Variants in C16orf87 observed in about 807,000 individuals in gnomAD.
C16orf87 encodes HDAC and MIER1 interacting protein 1.
In C16orf87, 13 loss-of-function variants were observed where a neutral mutation model predicts 21.0. The ratio of observed to expected loss-of-function variants is 0.62; its 90% CI spans 0.40 to 0.98. C16orf87 has a LOEUF of 0.98. Ranked by LOEUF, C16orf87 falls within the 50% of genes least tolerant of loss-of-function variation. The probability of loss-of-function intolerance (pLI) is 0.00; values close to 1 mark genes in which losing one functional copy is unlikely to be tolerated. For missense variants in C16orf87, 113 were observed against 180.4 expected (o/e 0.63, Z 2.14); for synonymous variants, 49 against 60.2 (o/e 0.81, Z 0.86).
In C16orf87 at chr16:46,809,778, CTTG is replaced by C; in HGVS notation, c.168_170del (p.Asn56del). The C allele has an allele frequency of 6.2e-7, 1 of 1,601,078 alleles. No homozygotes were observed. Among genetic ancestry groups the C allele is most frequent in the Non-Finnish European group, 8.5e-7 (1 of 1,170,802 alleles). On this transcript the variant is annotated inframe_deletion, in exon 3 of 4. Transcript: ENST00000285697. The stretch of plus-strand genomic sequence containing the variant: ...CTGTTCGCCTCCTCTTGGCCTCATG[CTTG>C]TTTTCTGTATGGATGAATAAAAGTG...
At chr16:46,819,121 G>A (rs972236003) in intron 2 of C16orf87, among the ~76,000 whole-genome samples, 1 of 152,092 alleles carries the variant, frequency 6.6e-6, no homozygotes, top group Non-Finnish European at 1.5e-5. Context: ...CCACTCCCAC[G>A]CTGTACTTTC....
intron 3 of C16orf87, 29 bp downstream of exon 3, chr16:46,809,574 G>GAA: frequency 7.4e-6 from 11 of 1,496,410 alleles, no homozygotes; most frequent in South Asian, 1.2e-5. Flanking sequence ...TTTAATACTT[G>GAA]AAAAAAAAAC....
intron 2 of C16orf87, among the ~76,000 whole-genome samples, chr16:46,812,779 A>G (rs895539207): frequency 6.6e-6 from 1 of 152,166 alleles, no homozygotes; most frequent in Non-Finnish European, 1.5e-5. Context: ...CATCAAATCT[A>G]TTCCAGTATA....
intron 2 of C16orf87, among the ~76,000 whole-genome samples, chr16:46,821,346 T>C (rs990980454): frequency 2.0e-5 from 3 of 152,212 alleles, no homozygotes; most frequent in Non-Finnish European, 4.4e-5. Flanking sequence ...GTCTGTACTC[T>C]ACCAAACTGT....
At chr16:46,829,211 T>C (rs922205122) in intron 1 of C16orf87, among the ~76,000 whole-genome samples, 1 of 152,084 alleles carries the variant, frequency 6.6e-6, no homozygotes, top group Admixed American at 6.5e-5. Context: ...AAGACAGCCA[T>C]CTGCAAGCCA....
chr16:46,807,681 A>C (rs1209595414), intron 3 of C16orf87, among the ~76,000 whole-genome samples: 2 of 152,246 alleles, frequency 1.3e-5, no homozygotes, highest in Non-Finnish European at 2.9e-5. Context: ...CATGGTCTAC[A>C]TAAGATTCCA....
chr16:46,827,499 T>C (rs921450119), intron 1 of C16orf87, among the ~76,000 whole-genome samples: 2 of 152,326 alleles, frequency 1.3e-5, no homozygotes, highest in African/African-American at 4.8e-5. Flanking sequence ...TTACTGATAG[T>C]TTACTGGGCA....
At chr16:46,825,087 T>A (rs1251920967) in intron 1 of C16orf87, among the ~76,000 whole-genome samples, 1 of 152,094 alleles carries the variant, frequency 6.6e-6, no homozygotes, top group Non-Finnish European at 1.5e-5. Context: ...TGTAATAGGG[T>A]CAGAGCAAGG....
Position 46,798,613 on chromosome 16 carries a change from T to A in C16orf87, c.*4339A>T, listed in dbSNP as rs968955128. On this transcript the variant is annotated 3_prime_UTR_variant, in exon 4 of 4. Coordinates refer to ENST00000285697, the MANE Select transcript of C16orf87 (RefSeq NM_001001436.4). ...AAATTCAAAAATTAGCCGGGCATGG[T>A]GATGCACACCTGTATACCCAGGTAC... 2.0e-5 allele frequency: 3 copies of A among 151,736 alleles called. No homozygotes were observed. The highest frequency in any genetic ancestry group is 4.2e-4 in the South Asian group (2 of 4,816). 9.4% of individuals were successfully genotyped at this position (151,736 alleles called of 1,614,324 possible).
chr16:46,807,886 A>G, intron 3 of C16orf87: 1 of 338,664 alleles, frequency 3.0e-6, no homozygotes, highest in Admixed American at 4.0e-5. Flanking sequence ...TCCTGCATAT[A>G]TACAGTTCTA....
chr16:46,827,503 C>A (rs781033375), intron 1 of C16orf87, among the ~76,000 whole-genome samples: 1 of 152,034 alleles, frequency 6.6e-6, no homozygotes, highest in African/African-American at 2.4e-5. Flanking sequence ...TGATAGTTTA[C>A]TGGGCATTAA....
chr16:46,809,811 A>AT, intron 2 of C16orf87, 26 bp from the exon 3 acceptor site: 1 of 1,498,526 alleles, frequency 6.7e-7, no homozygotes, highest in Non-Finnish European at 9.2e-7. Flanking sequence ...AAAGTGATAT[A>AT]TTTTAGGGCT....
intron 2 of C16orf87, among the ~76,000 whole-genome samples, chr16:46,813,382 C>G (rs1208977323): frequency 1.3e-5 from 2 of 151,804 alleles, no homozygotes; most frequent in Admixed American, 6.6e-5. Flanking sequence ...CACAGATACT[C>G]CTTGCAAAAT....
Position 46,797,590 on chromosome 16 carries a change from C to T in C16orf87, c.*5362G>A, listed in dbSNP as rs1197365456. The T allele has an allele frequency of 6.6e-6, 1 of 152,190 alleles. No homozygotes were observed. The highest frequency in any genetic ancestry group is 1.5e-5 in the Non-Finnish European group (1 of 68,066). 9.4% of individuals were successfully genotyped at this position (152,190 alleles called of 1,614,324 possible). The stretch of plus-strand genomic sequence containing the variant: ...TCTCGAACTCCTGGACTTAAGCAAT[C>T]TGCTCGCCTCGGCCTCCCAGTCCTG... On this transcript the variant is annotated 3_prime_UTR_variant, in exon 4 of 4. Coordinates refer to ENST00000285697, the MANE Select transcript of C16orf87 (RefSeq NM_001001436.4).
chr16:46,815,078 G>C (rs1230692392), intron 2 of C16orf87, among the ~76,000 whole-genome samples: 1 of 152,022 alleles, frequency 6.6e-6, no homozygotes, highest in Non-Finnish European at 1.5e-5. Flanking sequence ...CACACATACA[G>C]TCAAAGGATT....
At chr16:46,830,685 G>C (rs1299390452) in intron 1 of C16orf87, 3 of 171,920 alleles carry the variant, frequency 1.7e-5, no homozygotes, top group Non-Finnish European at 3.7e-5. Flanking sequence ...GGTTCTCGGA[G>C]CTAGGGCCTG....
chr16:46,803,281 CTA>C (rs1967830637), intron 3 of C16orf87, among the ~76,000 whole-genome samples: 1 of 152,106 alleles, frequency 6.6e-6, no homozygotes, highest in Non-Finnish European at 1.5e-5. Context: ...ATATTTATTT[CTA>C]TACACAGGCA....
At chr16:46,817,949 T>G (rs1001516280) in intron 2 of C16orf87, among the ~76,000 whole-genome samples, 1 of 82,804 alleles carries the variant, frequency 1.2e-5, no homozygotes, top group African/African-American at 4.5e-5. Flanking sequence ...ACCACAAAAA[T>G]CAACTATATA....
At chr16:46,803,753 TAC>T (rs1967843440) in intron 3 of C16orf87, among the ~76,000 whole-genome samples, 1 of 151,688 alleles carries the variant, frequency 6.6e-6, no homozygotes, top group African/African-American at 2.4e-5. Context: ...CTTTGCCCCA[TAC>T]ACATTTTCCA....
Sources: gnomAD v4.1 joint callset for allele counts (sites outside exome capture counted in the v4.1 genomes callset) on GRCh38, gnomAD v4.1.1 for gene constraint, MANE v1.5 for transcripts, NCBI Gene and HGNC (gene_info 2026-07-23, HGNC 2026-07-21) for gene names.